Variants in APAF1 observed in about 807,000 individuals in gnomAD.
The protein encoded by APAF1 is apoptotic peptidase activating factor 1.
In APAF1, 91 loss-of-function variants were observed where a neutral mutation model predicts 152.4. That is an observed-to-expected ratio of 0.60 (90% CI 0.50 to 0.71). APAF1 has a LOEUF of 0.71. Ranked by LOEUF, APAF1 falls within the 30% of genes least tolerant of loss-of-function variation. The pLI, the probability that APAF1 is intolerant of heterozygous loss-of-function variation, is 0.00. For synonymous variants in APAF1, 484 were observed against 494.1 expected, an observed-to-expected ratio of 0.98 and a Z score of 0.27; for missense variants, 1,283 against 1,472.0, an observed-to-expected ratio of 0.87 and a Z score of 2.10.
intron 20 of APAF1, among the ~76,000 whole-genome samples, chr12:98,710,200 T>C (rs11109575): frequency 7.0e-6 from 1 of 143,484 alleles, no homozygotes; most frequent in Non-Finnish European, 1.5e-5. Flanking sequence ...TTTTTTTTTG[T>C]ATTTTTAGTA....
Position 98,721,221 on chromosome 12 carries a change from C to G in APAF1, c.3085-1972C>G, listed in dbSNP as rs371542016. Among the ~76,000 whole-genome samples, 8 of 152,272 alleles carry G rather than the reference C, an allele frequency of 5.3e-5. 1 individual carries two copies. The highest frequency in any genetic ancestry group is 1.9e-4 in the East Asian group (1 of 5,182). ...TCATCATCATTGCCTAGTCAGAAAC[C>G]TTCTGTAACAAAAGCTGCAAAGGCT... On this transcript the variant is annotated intron_variant, in intron 22 of 26. Transcript: ENST00000551964.
In APAF1 at chr12:98,735,093, G is replaced by C; in HGVS notation, c.*2527G>C. ...CAAGACCCTGTCTTAAAAGAAAAAT[G>C]GGAAGAAAGACAAGGTAACATGAAG... On this transcript the variant is annotated 3_prime_UTR_variant, in exon 27 of 27. Transcript: ENST00000551964. The C allele has an allele frequency of 2.5e-6, 1 of 398,024 alleles. No individual in the cohort carries two copies. Among genetic ancestry groups the C allele is most frequent in the East Asian group, 3.6e-5 (1 of 28,042 alleles). The allele number at this position is 398,024 out of a possible 1,614,324, so 24.7% of individuals were successfully genotyped here.
chr12:98,703,508 T>A lies in APAF1; in HGVS notation c.2595+9T>A. 2.5e-6 allele frequency: 4 copies of A among 1,614,074 alleles called. No homozygotes were observed. Among genetic ancestry groups the A allele is most frequent in the Non-Finnish European group, 3.4e-6 (4 of 1,179,956 alleles). On this transcript the variant is annotated intron_variant, in intron 18 of 26. Transcript: ENST00000551964. ...CCCAGTACTGTGTAGAGGTGAGTAG[T>A]TGAATTTATTCTGTGAAGCCTGGGT...
At chr12:98,731,234 C>T (rs994296255) in intron 26 of APAF1, among the ~76,000 whole-genome samples, 1 of 152,200 alleles carries the variant, frequency 6.6e-6, no homozygotes, top group African/African-American at 2.4e-5. Context: ...CCCTTTCCCC[C>T]ACAAACACAT....
Position 98,725,545 on chromosome 12 carries a change from G to A in APAF1, c.3456+5G>A. ...GATGACAATGGAGAAATCAGGGTAGGCTGTTTGCTGACATGAGAGCACTGC... is the reference window on the plus strand; with the variant it reads ...GATGACAATGGAGAAATCAGGGTAGACTGTTTGCTGACATGAGAGCACTGC... On this transcript the variant is annotated splice_donor_5th_base_variant and intron_variant, in intron 25 of 26. Transcript: ENST00000551964. 2.5e-6 allele frequency: 4 copies of A among 1,614,080 alleles called. No individual in the cohort carries two copies. Among genetic ancestry groups the A allele is most frequent in the Non-Finnish European group, 3.4e-6 (4 of 1,179,956 alleles).
At chr12:98,711,115 G>C (rs542435834) in intron 20 of APAF1, among the ~76,000 whole-genome samples, 72 of 152,308 alleles carry the variant, frequency 4.7e-4, no homozygotes, top group African/African-American at 1.7e-3. Context: ...TACTTCTGGG[G>C]TGAATTGGGA....
intron 4 of APAF1, among the ~76,000 whole-genome samples, chr12:98,654,116 A>G (rs772792972): frequency 1.3e-5 from 2 of 152,124 alleles, no homozygotes; most frequent in Non-Finnish European, 2.9e-5. Flanking sequence ...CATAGTCAAG[A>G]TGTTTAGATT....
Position 98,666,308 on chromosome 12 carries a change from A to G in APAF1, c.1313A>G (p.His438Arg), listed in dbSNP as rs767233730. The G allele has an allele frequency of 5.0e-6, 8 of 1,613,636 alleles. No homozygotes were observed. The African/African-American group carries it at 8.0e-5, about 16-fold the overall frequency. ...RNGKSFRYYL[H>R]DLQVDFLTEK... ...GGAAAGTCGTTTCGTTATTATTTACATGATCTTCAAGTAGATTTTCTTACA... is the reference window on the plus strand; with the variant it reads ...GGAAAGTCGTTTCGTTATTATTTACGTGATCTTCAAGTAGATTTTCTTACA... Residue 438 changes from histidine to arginine, a missense_variant, in exon 9 of 27, where the codon CAT becomes CGT. Coordinates refer to ENST00000551964, the MANE Select transcript of APAF1 (RefSeq NM_181861.2).
At chr12:98,677,280 T>C in intron 12 of APAF1, 145 bp from the exon 13 acceptor site, 4 of 808,826 alleles carry the variant, frequency 4.9e-6, no homozygotes. Flanking sequence ...TGTGCTGTCA[T>C]TTGCATGTTA....
At chr12:98,663,518 AC>A (rs2097668157) in intron 7 of APAF1, among the ~76,000 whole-genome samples, 1 of 151,956 alleles carries the variant, frequency 6.6e-6, no homozygotes, top group Admixed American at 6.6e-5. Flanking sequence ...CCAGCCTGTT[AC>A]CCAGTTTTTT....
intron 15 of APAF1, among the ~76,000 whole-genome samples, chr12:98,685,781 A>C (rs1296378089): frequency 1.3e-5 from 2 of 152,058 alleles, no homozygotes; most frequent in Non-Finnish European, 1.5e-5. Context: ...GATTACAGGC[A>C]TGGGCCACCA....
In APAF1 at chr12:98,705,396, C is replaced by G. The variant is rs192844595; in HGVS notation, c.2596-1089C>G. ...TAGGAGAGATTTTCAGTTGTGGAAC[C>G]ACTTTCATTTTTGGCCCTTAGCTCT... On this transcript the variant is annotated intron_variant, in intron 18 of 26. Coordinates refer to ENST00000551964, the MANE Select transcript of APAF1 (RefSeq NM_181861.2). 8.9e-4 allele frequency among the ~76,000 whole-genome samples: 135 copies of G among 152,266 alleles called. 1 individual carries two copies. Among genetic ancestry groups the G allele is most frequent in the Non-Finnish European group, 1.6e-3 (107 of 68,014 alleles).
At chr12:98,662,903 C>T (rs1352926862) in intron 7 of APAF1, 97 bp downstream of exon 7, 1 of 1,175,090 alleles carries the variant, frequency 8.5e-7, no homozygotes, top group African/African-American at 1.6e-5. Context: ...AGCACATGAA[C>T]ATCCAAAAAC....
At chr12:98,683,298 G>T in intron 15 of APAF1, 24 bp downstream of exon 15, 1 of 1,611,914 alleles carries the variant, frequency 6.2e-7, no homozygotes, top group African/African-American at 1.3e-5. Flanking sequence ...TTGAGAATTA[G>T]GTAGATAAAT....
chr12:98,682,816 T>C (rs76302028), intron 14 of APAF1, among the ~76,000 whole-genome samples: 5,582 of 152,334 alleles, frequency 0.037, 153 homozygotes, highest in Middle Eastern at 0.13. Context: ...AAATCTATTA[T>C]GCTAACCTCT....
At chr12:98,666,159 T>A (rs1413206424) in intron 8 of APAF1, 31 bp from the exon 9 acceptor site, 1 of 1,605,700 alleles carries the variant, frequency 6.2e-7, no homozygotes, top group African/African-American at 1.3e-5. Flanking sequence ...TGTACTTTTG[T>A]GGCATATTAA....
chr12:98,725,044 G>A (rs546189882), intron 24 of APAF1, among the ~76,000 whole-genome samples: 4 of 152,254 alleles, frequency 2.6e-5, no homozygotes, highest in Admixed American at 1.3e-4. Flanking sequence ...TACAGATGCC[G>A]TGTCTGAAGC....
rs1424910450 is a variant in APAF1, at chr12:98,732,948, C to T, written c.*382C>T. 4.5e-6 allele frequency: 1 copy of T among 224,278 alleles called. No individual in the cohort carries two copies. Among genetic ancestry groups the T allele is most frequent in the East Asian group, 1.3e-4 (1 of 7,504 alleles). 13.9% of individuals were successfully genotyped at this position (224,278 alleles called of 1,614,324 possible). A position where few individuals can be genotyped will look rare whatever the true frequency, so the allele number is the denominator to read the frequency against. On this transcript the variant is annotated 3_prime_UTR_variant, in exon 27 of 27. Transcript: ENST00000551964. ...TATTACTGTTATGCAGGCTGTGCCT[C>T]AGGGTAGCAGTGGCCTGCTTTTTGA...
chr12:98,659,830 C>T (rs944651715), intron 5 of APAF1, among the ~76,000 whole-genome samples: 8 of 147,258 alleles, frequency 5.4e-5, no homozygotes, highest in East Asian at 2.0e-4. Flanking sequence ...GTATTTAAAA[C>T]GAAAAAAAAA....
Sources: allele counts gnomAD v4.1 joint callset (sites outside exome capture counted in the v4.1 genomes callset), GRCh38; gene constraint gnomAD v4.1.1; transcripts MANE v1.5; gene names NCBI Gene and HGNC (gene_info 2026-07-23, HGNC 2026-07-21).